MECOM: variants seen among roughly 807,000 people sequenced by gnomAD.
MECOM encodes MDS1 and EVI1 complex locus.
In MECOM, 13 loss-of-function variants were observed where a neutral mutation model predicts 116.3. The observed-to-expected ratio is 0.11, with a 90% CI of 0.07 to 0.18. The LOEUF (loss-of-function observed/expected upper bound fraction) is 0.18, where lower values mean the gene tolerates loss of function less well. Among genes scored for constraint, MECOM ranks in the 10% least tolerant of loss-of-function variants. The probability of loss-of-function intolerance (pLI) is 1.00; values close to 1 mark genes in which losing one functional copy is unlikely to be tolerated. For missense variants in MECOM, 1,299 were observed against 1,509.0 expected, an observed-to-expected ratio of 0.86 and a Z score of 2.31; for synonymous variants, 528 against 535.2, an observed-to-expected ratio of 0.99 and a Z score of 0.19.
chr3:169,436,594 T>G (rs1040930946), intron 1 of MECOM, among the ~76,000 whole-genome samples: 1 of 152,160 alleles, frequency 6.6e-6, no homozygotes, highest in African/African-American at 2.4e-5. Flanking sequence ...ACGATTTGGA[T>G]TAGCAAAATT....
At chr3:169,194,340 G>A (rs1012761102) in intron 2 of MECOM, among the ~76,000 whole-genome samples, 1 of 152,016 alleles carries the variant, frequency 6.6e-6, no homozygotes, top group African/African-American at 2.4e-5. Context: ...GGGAAGGATA[G>A]CATTAGGAGA....
intron 1 of MECOM, among the ~76,000 whole-genome samples, chr3:169,455,821 A>T (rs577385254): frequency 6.6e-6 from 1 of 151,942 alleles, no homozygotes; most frequent in Non-Finnish European, 1.5e-5. Context: ...CCAAACCACC[A>T]TTGGAATTGG....
intron 1 of MECOM, among the ~76,000 whole-genome samples, chr3:169,453,674 T>C (rs896251434): frequency 1.3e-5 from 2 of 152,194 alleles, no homozygotes; most frequent in South Asian, 2.1e-4. Context: ...CGAGGAAGCA[T>C]ATGGCAGGAC....
At chr3:169,245,273 C>T (rs1024280942) in intron 2 of MECOM, among the ~76,000 whole-genome samples, 13 of 152,020 alleles carry the variant, frequency 8.6e-5, no homozygotes, top group Admixed American at 5.9e-4. Context: ...AGAACAGCCA[C>T]GCTAGGGTTA....
chr3:169,094,399 A>G (rs1720855509), intron 13 of MECOM, among the ~76,000 whole-genome samples: 1 of 152,260 alleles, frequency 6.6e-6, no homozygotes, highest in South Asian at 2.1e-4. Flanking sequence ...TTACTTAATG[A>G]CTTATTATCT....
At chr3:169,354,700 A>G (rs1259200404) in intron 2 of MECOM, among the ~76,000 whole-genome samples, 2 of 151,988 alleles carry the variant, frequency 1.3e-5, no homozygotes, top group African/African-American at 4.8e-5. Flanking sequence ...GAATGTTGCT[A>G]GAACCTCAGG....
chr3:169,484,204 T>C lies in MECOM; in HGVS notation c.38-102680A>G, dbSNP rs889867419. 6.8e-6 allele frequency: 4 copies of C among 590,946 alleles called. No individual in the cohort carries two copies. In the African/African-American group the frequency reaches 7.5e-5, roughly 11 times the overall value. The allele number at this position is 590,946 out of a possible 1,614,324, so 36.6% of individuals were successfully genotyped here. On this transcript the variant is annotated intron_variant, in intron 1 of 16. Coordinates refer to ENST00000651503, the MANE Select transcript of MECOM (RefSeq NM_004991.4). ...ACTGCTTGCACTTATTGATGAGCTT[T>C]GTAAATATGTGAATGTTTATAACAG...
At chr3:169,497,348 C>CA (rs1753938166) in intron 1 of MECOM, among the ~76,000 whole-genome samples, 1 of 137,984 alleles carries the variant, frequency 7.2e-6, no homozygotes, top group African/African-American at 2.6e-5. Context: ...TTTTCTTTTT[C>CA]TTTTTTTTTT....
At chr3:169,097,586 G>T (rs6768432) in intron 12 of MECOM, among the ~76,000 whole-genome samples, 95,519 of 151,478 alleles carry the variant, frequency 0.63, 30,299 homozygotes, top group Admixed American at 0.68. Flanking sequence ...AGCAGACTTT[G>T]CGGAAGGCAA....
intron 14 of MECOM, 31 bp from the exon 15 acceptor site, chr3:169,090,267 T>C: frequency 6.4e-7 from 1 of 1,563,306 alleles, no homozygotes; most frequent in South Asian, 1.2e-5. Context: ...AAAGTCCAAT[T>C]GTTGGTTTCA....
intron 1 of MECOM, among the ~76,000 whole-genome samples, chr3:169,612,211 A>G (rs768000927): frequency 2.2e-4 from 33 of 152,200 alleles, no homozygotes; most frequent in Non-Finnish European, 4.1e-4. Context: ...TAAAGGATAT[A>G]TTAATCAAAG....
rs533443600 is a variant in MECOM, at chr3:169,487,104, G to A, written c.38-105580C>T. On this transcript the variant is annotated intron_variant, in intron 1 of 16. Coordinates refer to ENST00000651503, the MANE Select transcript of MECOM (RefSeq NM_004991.4). ...AGTCCAAAAACTAATTGAAAAAAAA[G>A]AGTAAAATAAAGATATTTTCAGACA... Among the ~76,000 whole-genome samples, 592 of 150,988 alleles carry A rather than the reference G, an allele frequency of 3.9e-3. 1 individual carries two copies. Among genetic ancestry groups the A allele is most frequent in the Non-Finnish European group, 6.2e-3 (418 of 67,826 alleles).
rs1264162264 is a variant in MECOM at position 169,084,273 on chromosome 3, G to C, written c.*636C>G. 10 of 230,888 alleles carry C rather than the reference G, an allele frequency of 4.3e-5. No homozygotes were observed. The East Asian group carries it at 6.1e-4, about 14-fold the overall frequency. The allele number at this position is 230,888 out of a possible 1,614,324, so 14.3% of individuals were successfully genotyped here. On this transcript the variant is annotated 3_prime_UTR_variant, in exon 17 of 17. Coordinates refer to ENST00000651503, the MANE Select transcript of MECOM (RefSeq NM_004991.4). ...GTTACTTCACTGACTTAACCTCTTT[G>C]AGTGTTAACATCCATAGTTTACAAT...
At chr3:169,302,527 A>G (rs1486427303) in intron 2 of MECOM, among the ~76,000 whole-genome samples, 2 of 152,176 alleles carry the variant, frequency 1.3e-5, no homozygotes, top group African/African-American at 2.4e-5. Flanking sequence ...TAGAATGAAT[A>G]TTTTTTGAAC....
intron 2 of MECOM, among the ~76,000 whole-genome samples, chr3:169,170,862 C>T (rs1453267258): frequency 1.3e-5 from 2 of 152,154 alleles, no homozygotes; most frequent in African/African-American, 4.8e-5. Context: ...TGTCCTTTTT[C>T]ACACCATAGA....
At chr3:169,123,424 A>G (rs1274124262) in intron 5 of MECOM, among the ~76,000 whole-genome samples, 1 of 151,974 alleles carries the variant, frequency 6.6e-6, no homozygotes, top group Non-Finnish European at 1.5e-5. Context: ...GTCCCCTAAA[A>G]GAAAAACATG....
chr3:169,610,879 G>T (rs1769181006), intron 1 of MECOM, among the ~76,000 whole-genome samples: 2 of 152,148 alleles, frequency 1.3e-5, no homozygotes, highest in African/African-American at 4.8e-5. Context: ...ATGCACAAAA[G>T]GTGTTTGCTG....
At chr3:169,572,985 A>T in intron 1 of MECOM, among the ~76,000 whole-genome samples, 1 of 152,188 alleles carries the variant, frequency 6.6e-6, no homozygotes, top group Non-Finnish European at 1.5e-5. Flanking sequence ...AAGAAAAAAA[A>T]AATGCTATCA....
At chr3:169,488,372 C>CAAA (rs758493062) in intron 1 of MECOM, among the ~76,000 whole-genome samples, 100 of 62,386 alleles carry the variant, frequency 1.6e-3, no homozygotes, top group African/African-American at 4.6e-3. Context: ...ACTAAAAATA[C>CAAA]AAAAAAAAAA....
Sources: gnomAD v4.1 joint callset for allele counts (sites outside exome capture counted in the v4.1 genomes callset) on GRCh38, gnomAD v4.1.1 for gene constraint, MANE v1.5 for transcripts, NCBI Gene and HGNC (gene_info 2026-07-23, HGNC 2026-07-21) for gene names.